The following SCNN1B variants were observed in gnomAD, a reference collection of about 807,000 sequenced individuals.
SCNN1B encodes the protein epithelial sodium channel subunit beta.
SCNN1B carries 46 observed loss-of-function variants against 65.3 expected under a neutral mutation model. That is an observed-to-expected ratio of 0.70 (90% CI 0.56 to 0.90). The LOEUF is 0.90. Among genes scored for constraint, SCNN1B ranks in the 40% least tolerant of loss-of-function variants. The probability of loss-of-function intolerance (pLI) is 0.00; values close to 1 mark genes in which losing one functional copy is unlikely to be tolerated. For synonymous variants in SCNN1B, 349 were observed against 330.6 expected, an observed-to-expected ratio of 1.06 and a Z score of -0.60; for missense variants, 751 against 830.5, an observed-to-expected ratio of 0.90 and a Z score of 1.18.
At chr16:23,282,021 G>A (rs957562974) in intron 1 of SCNN1B, among the ~76,000 whole-genome samples, 1 of 151,996 alleles carries the variant, frequency 6.6e-6, no homozygotes, top group Non-Finnish European at 1.5e-5. Context: ...GGGAAACTCC[G>A]TCTCTACAGA....
intron 1 of SCNN1B, among the ~76,000 whole-genome samples, chr16:23,282,796 C>T (rs1960800647): frequency 6.6e-6 from 1 of 152,216 alleles, no homozygotes; most frequent in Non-Finnish European, 1.5e-5. Flanking sequence ...TAAACTGCCT[C>T]TTGATTTGTA....
At chr16:23,290,500 G>A (rs901414648) in intron 2 of SCNN1B, among the ~76,000 whole-genome samples, 1 of 152,062 alleles carries the variant, frequency 6.6e-6, no homozygotes, top group Admixed American at 6.6e-5. Flanking sequence ...TAGAGACCAG[G>A]TCTTGCTACG....
intron 2 of SCNN1B, among the ~76,000 whole-genome samples, chr16:23,351,672 G>A (rs1250548866): frequency 3.3e-5 from 5 of 152,190 alleles, no homozygotes; most frequent in Non-Finnish European, 7.4e-5. Context: ...TTTGAGGCAG[G>A]GTCTTGGGTA....
intron 1 of SCNN1B, among the ~76,000 whole-genome samples, chr16:23,320,358 A>G (rs1456065216): frequency 3.9e-5 from 6 of 152,134 alleles, no homozygotes; most frequent in African/African-American, 1.4e-4. Flanking sequence ...CAATCTGGGG[A>G]CCAGACTTGG....
At chr16:23,278,732 A>G (rs1048034816) in intron 1 of SCNN1B, among the ~76,000 whole-genome samples, 14 of 152,000 alleles carry the variant, frequency 9.2e-5, no homozygotes, top group Non-Finnish European at 1.5e-4. Context: ...GGAGCTTAAG[A>G]TCAGCCTGGG....
upstream of SCNN1B, among the ~76,000 whole-genome samples, chr16:23,299,720 G>C (rs1027871123): frequency 6.6e-6 from 1 of 152,214 alleles, no homozygotes; most frequent in Admixed American, 6.5e-5. Context: ...TGGAGAAATA[G>C]GAACGCTTTT....
At chr16:23,295,328 C>T (rs1960980223) in intron 2 of SCNN1B, among the ~76,000 whole-genome samples, 1 of 152,074 alleles carries the variant, frequency 6.6e-6, no homozygotes. Context: ...AAGCAATCCT[C>T]CCACCTCAGC....
At chr16:23,306,241 CAA>C (rs528596295) in intron 1 of SCNN1B, among the ~76,000 whole-genome samples, 4 of 106,040 alleles carry the variant, frequency 3.8e-5, no homozygotes, top group African/African-American at 6.8e-5. Flanking sequence ...GAAACTCTGT[CAA>C]AAAAAAAAAA....
chr16:23,352,219 A>G (rs1962323786), intron 2 of SCNN1B, among the ~76,000 whole-genome samples: 1 of 152,244 alleles, frequency 6.6e-6, no homozygotes, highest in Non-Finnish European at 1.5e-5. Context: ...GTAGGTGCTC[A>G]TTAAAAGTTG....
At chr16:23,278,530 T>C (rs932813711) in intron 1 of SCNN1B, among the ~76,000 whole-genome samples, 6 of 151,382 alleles carry the variant, frequency 4.0e-5, no homozygotes, top group African/African-American at 1.2e-4. Flanking sequence ...TCCATGCAGA[T>C]GGAAGGCAGA....
intron 1 of SCNN1B, chr16:23,323,463 A>G (rs1053352461): frequency 7.2e-6 from 5 of 695,136 alleles, no homozygotes; most frequent in Non-Finnish European, 1.3e-5. Context: ...ATCTCTCTCC[A>G]TGCCAGACAC....
intron 1 of SCNN1B, among the ~76,000 whole-genome samples, chr16:23,320,710 G>T (rs768860644): frequency 1.3e-5 from 2 of 152,234 alleles, no homozygotes; most frequent in Non-Finnish European, 2.9e-5. Context: ...AGACACCACC[G>T]TGGGCCTCTA....
chr16:23,325,518 C>T (rs1254520641), intron 1 of SCNN1B, among the ~76,000 whole-genome samples: 1 of 150,354 alleles, frequency 6.7e-6, no homozygotes, highest in African/African-American at 2.5e-5. Context: ...CTGCTCACTT[C>T]AGCCTCCCAA....
At chr16:23,347,956 T>C (rs181183190) in intron 1 of SCNN1B, among the ~76,000 whole-genome samples, 2 of 152,234 alleles carry the variant, frequency 1.3e-5, no homozygotes, top group Non-Finnish European at 2.9e-5. Context: ...GTAAGATCAT[T>C]ATTTACCCAC....
Position 23,295,115 on chromosome 16 carries a change from C to T in SCNN1B, n.178+11311C>T, listed in dbSNP as rs189729084. Among the ~76,000 whole-genome samples the T allele has an allele frequency of 2.6e-5, 4 of 152,334 alleles. No individual in the cohort carries two copies. The East Asian group carries it at 7.7e-4, about 29-fold the overall frequency. On this transcript the variant is annotated intron_variant and non_coding_transcript_variant, in intron 2 of 3. Coordinates refer to the SCNN1B transcript ENST00000569789. Reference sequence around the variant, plus strand: ...ATCTTGCTTGTGTTTTGTCTGTCTCCTCTCACTAGAATGCAAGCTCCACAA... The same window carrying T: ...ATCTTGCTTGTGTTTTGTCTGTCTCTTCTCACTAGAATGCAAGCTCCACAA...
chr16:23,355,369 A>G lies in SCNN1B; in HGVS notation c.656A>G (p.Tyr219Cys). Reference protein sequence around the residue: ...TSATQALTEWYILQATNIFAQ... With the variant: ...TSATQALTEWCILQATNIFAQ... ...GCTACCCAGGCATTGACAGAGTGGTACATCCTGCAGGCCACCAACATCTTT... is the reference window on the plus strand; with the variant it reads ...GCTACCCAGGCATTGACAGAGTGGTGCATCCTGCAGGCCACCAACATCTTT... The change falls in exon 4 of 13, where the codon TAC (tyrosine) becomes TGC (cysteine). Residue 219 changes from tyrosine (Y) to cysteine (C), a missense_variant. Physicochemically the swap from Tyr to Cys is radical, Grantham distance 194 (BLOSUM62 -2). Transcript: ENST00000343070. 1 of 1,614,168 alleles carries G rather than the reference A, an allele frequency of 6.2e-7. No homozygotes were observed. Among genetic ancestry groups the G allele is most frequent in the Non-Finnish European group, 8.5e-7 (1 of 1,180,026 alleles).
intron 1 of SCNN1B, among the ~76,000 whole-genome samples, chr16:23,326,870 GC>G (rs1961707934): frequency 6.6e-6 from 1 of 152,036 alleles, no homozygotes. Context: ...ACAGTGTACA[GC>G]GTACCCATTA....
At chr16:23,330,333 G>A (rs1262670265) in intron 1 of SCNN1B, among the ~76,000 whole-genome samples, 4 of 152,204 alleles carry the variant, frequency 2.6e-5, no homozygotes, top group African/African-American at 9.7e-5. Flanking sequence ...ACAAGCAGCT[G>A]TTCTGAGGCT....
chr16:23,375,148 G>C (rs1362066148), intron 7 of SCNN1B, among the ~76,000 whole-genome samples: 1 of 152,112 alleles, frequency 6.6e-6, no homozygotes, highest in Non-Finnish European at 1.5e-5. Flanking sequence ...CAGCCTCCTG[G>C]AGGCTGCCTG....
Sources: gnomAD v4.1 joint callset for allele counts (sites outside exome capture counted in the v4.1 genomes callset) on GRCh38, gnomAD v4.1.1 for gene constraint, MANE v1.5 for transcripts, NCBI Gene and HGNC (gene_info 2026-07-23, HGNC 2026-07-21) for gene names.